NDUFS4: variants seen among roughly 807,000 people sequenced by gnomAD.
The protein encoded by NDUFS4 is NADH dehydrogenase [ubiquinone] iron-sulfur protein 4, mitochondrial.
In NDUFS4, 28 loss-of-function variants were observed where a neutral mutation model predicts 24.3. The observed-to-expected ratio is 1.15, with a 90% confidence interval of 0.85 to 1.58. The LOEUF is 1.58. NDUFS4 is among the 40% of genes most tolerant of loss of function. The probability of loss-of-function intolerance (pLI) is 0.00; values close to 1 mark genes in which losing one functional copy is unlikely to be tolerated. For missense variants in NDUFS4, 223 were observed against 207.9 expected (o/e 1.07, Z -0.45); for synonymous variants, 93 against 69.7 (o/e 1.34, Z -1.67).
At chr5:53,657,374 T>C (rs2607508) in intron 3 of NDUFS4, among the ~76,000 whole-genome samples, 39,655 of 151,956 alleles carry the variant, frequency 0.26, 6,866 homozygotes, top group African/African-American at 0.48. Flanking sequence ...ATTATAGGAA[T>C]CTCAGAGTAG....
At chr5:53,661,093 G>A (rs1752329765) in intron 4 of NDUFS4, among the ~76,000 whole-genome samples, 1 of 152,086 alleles carries the variant, frequency 6.6e-6, no homozygotes, top group Non-Finnish European at 1.5e-5. Context: ...TGTCCTGAAT[G>A]GTATTGCCTA....
intron 1 of NDUFS4, among the ~76,000 whole-genome samples, chr5:53,574,191 A>C (rs945666471): frequency 6.6e-6 from 1 of 152,144 alleles, no homozygotes; most frequent in Non-Finnish European, 1.5e-5. Context: ...TCAGTTTTTC[A>C]CCTTTACGTA....
chr5:53,635,597 A>G (rs967302037), intron 2 of NDUFS4, among the ~76,000 whole-genome samples: 1 of 152,242 alleles, frequency 6.6e-6, no homozygotes, highest in African/African-American at 2.4e-5. Context: ...GCTGCCAAAA[A>G]GTTGAAATTA....
chr5:53,611,780 G>T (rs1750706336), intron 2 of NDUFS4, among the ~76,000 whole-genome samples: 1 of 151,766 alleles, frequency 6.6e-6, no homozygotes, highest in African/African-American at 2.4e-5. Context: ...TTTTCTTTAT[G>T]CCTCCCTCCA....
rs150287010 is a variant in NDUFS4, at chr5:53,591,999, C to T, written c.99-11453C>T. On this transcript the variant is annotated intron_variant, in intron 1 of 4. Transcript: ENST00000296684. ...TTGCCCAGGCTGGAGTGCAGTGTGG[C>T]GCAATCTTGGCTCACTGTAACCTCT... 6.8e-4 allele frequency among the ~76,000 whole-genome samples: 103 copies of T among 151,920 alleles called. 1 individual carries two copies. The highest frequency in any genetic ancestry group is 5.3e-3 in the Admixed American group (81 of 15,248).
At chr5:53,612,776 G>A (rs1421056511) in intron 2 of NDUFS4, among the ~76,000 whole-genome samples, 1 of 152,098 alleles carries the variant, frequency 6.6e-6, no homozygotes, top group East Asian at 1.9e-4. Flanking sequence ...GTGTTAGAAT[G>A]TCTGTAAGCA....
chr5:53,625,477 C>T (rs923114845), intron 2 of NDUFS4, among the ~76,000 whole-genome samples: 23 of 152,124 alleles, frequency 1.5e-4, no homozygotes, highest in African/African-American at 5.3e-4. Flanking sequence ...TCTTCTGTAA[C>T]TATAACACTT....
intron 2 of NDUFS4, among the ~76,000 whole-genome samples, chr5:53,639,319 T>C (rs1751642308): frequency 6.6e-6 from 1 of 151,906 alleles, no homozygotes; most frequent in East Asian, 1.9e-4. Flanking sequence ...CATGCTTCCT[T>C]ATAGTACAAT....
intron 1 of NDUFS4, among the ~76,000 whole-genome samples, chr5:53,583,150 T>G (rs1436863855): frequency 6.6e-6 from 1 of 152,192 alleles, no homozygotes; most frequent in Non-Finnish European, 1.5e-5. Flanking sequence ...GTGCTGGGAT[T>G]GCAGGTGTGA....
At chr5:53,667,560 C>G (rs925093426) in intron 4 of NDUFS4, among the ~76,000 whole-genome samples, 11 of 151,990 alleles carry the variant, frequency 7.2e-5, no homozygotes, top group Admixed American at 4.6e-4. Context: ...TCTGACTTGC[C>G]CCTCTTGGGT....
chr5:53,632,385 A>G (rs1751435163), intron 2 of NDUFS4, among the ~76,000 whole-genome samples: 1 of 152,130 alleles, frequency 6.6e-6, no homozygotes, highest in African/African-American at 2.4e-5. Flanking sequence ...CTTGTGTCTC[A>G]ATTTAATGCC....
At chr5:53,670,931 A>C (rs1752651149) in intron 4 of NDUFS4, among the ~76,000 whole-genome samples, 1 of 151,474 alleles carries the variant, frequency 6.6e-6, no homozygotes, top group Admixed American at 6.6e-5. Flanking sequence ...GGAATAGACT[A>C]TAGAGTATCT....
In NDUFS4 at chr5:53,646,208, G is replaced by GT. The variant is rs763027449; in HGVS notation, c.178-16dup. On this transcript the variant is annotated intron_variant, in intron 2 of 4. Transcript: ENST00000296684. ...TGTGTATGTAGGCTGTTTGAAACGT[G>GT]TTTTTTTTTCTTGTTTTTCTGTAGG... is the stretch of plus-strand genomic sequence containing the variant. The GT allele has an allele frequency of 1.6e-3, 2,394 of 1,508,546 alleles. 1 individual carries two copies. The highest frequency in any genetic ancestry group is 1.8e-3 in the Non-Finnish European group (1,963 of 1,095,000). The allele number at this position is 1,508,546 out of a possible 1,614,324, so 93.4% of individuals were successfully genotyped here.
intron 2 of NDUFS4, among the ~76,000 whole-genome samples, chr5:53,624,891 T>C (rs1414299139): frequency 6.6e-6 from 1 of 152,220 alleles, no homozygotes; most frequent in East Asian, 1.9e-4. Flanking sequence ...CATCATTGTC[T>C]TTTTCCTCAT....
intron 4 of NDUFS4, among the ~76,000 whole-genome samples, chr5:53,666,564 GCCTAGCA>G (rs932437100): frequency 5.9e-5 from 9 of 152,282 alleles, no homozygotes; most frequent in African/African-American, 1.9e-4. Flanking sequence ...ACTGCTATGT[GCCTAGCA>G]CCTAGCACCT....
intron 1 of NDUFS4, among the ~76,000 whole-genome samples, chr5:53,572,579 G>T (rs1301077701): frequency 1.3e-5 from 2 of 151,374 alleles, no homozygotes; most frequent in African/African-American, 4.9e-5. Flanking sequence ...TTTAATGATT[G>T]TGCTTTCGTT....
intron 3 of NDUFS4, among the ~76,000 whole-genome samples, chr5:53,655,030 T>C (rs1443513316): frequency 6.6e-6 from 1 of 152,232 alleles, no homozygotes; most frequent in Non-Finnish European, 1.5e-5. Context: ...GGTTTACTGA[T>C]GTTCATTAGT....
At chr5:53,676,027 AT>A (rs1740456099) in intron 4 of NDUFS4, among the ~76,000 whole-genome samples, 1 of 152,224 alleles carries the variant, frequency 6.6e-6, no homozygotes, top group Non-Finnish European at 1.5e-5. Context: ...AAAAAGATAC[AT>A]TGACTCTAGC....
rs577191325 is a variant in NDUFS4, at chr5:53,664,281, A to G, written c.424+5657A>G. Among the ~76,000 whole-genome samples the G allele has an allele frequency of 2.1e-4, 32 of 151,998 alleles. No homozygotes were observed. The South Asian group carries it at 4.8e-3, about 23-fold the overall frequency. ...CGTTAACATCTTTTCCTTCATTTCA[A>G]CTTTGGTGAATCTGACAATTATGTG... On this transcript the variant is annotated intron_variant, in intron 4 of 4. Transcript: ENST00000296684.
Sources: gnomAD v4.1 joint callset for allele counts (sites outside exome capture counted in the v4.1 genomes callset) on GRCh38, gnomAD v4.1.1 for gene constraint, MANE v1.5 for transcripts, NCBI Gene and HGNC (gene_info 2026-07-23, HGNC 2026-07-21) for gene names.